CFAP44: variants seen among roughly 807,000 people sequenced by gnomAD.
CFAP44 encodes the protein cilia and flagella associated protein 44.
Under a neutral mutation model 216.2 loss-of-function variants are expected in CFAP44, and 134 were observed. The observed-to-expected ratio is 0.62, with a 90% CI of 0.54 to 0.72. The LOEUF (loss-of-function observed/expected upper bound fraction) is 0.72. Ranked by LOEUF, CFAP44 falls within the 30% of genes least tolerant of loss-of-function variation. The pLI is 0.00. For synonymous variants in CFAP44, 700 were observed against 727.6 expected (o/e 0.96, Z 0.61); for missense variants, 2,035 against 2,182.1 (o/e 0.93, Z 1.34).
intron 28 of CFAP44, among the ~76,000 whole-genome samples, chr3:113,317,220 G>A (rs1303490462): frequency 3.3e-5 from 5 of 152,210 alleles, no homozygotes; most frequent in African/African-American, 1.2e-4. Context: ...ACCTGGCAGG[G>A]GGATCTCCCC....
At chr3:113,440,425 T>G (rs1935335092) in intron 1 of CFAP44, among the ~76,000 whole-genome samples, 1 of 152,234 alleles carries the variant, frequency 6.6e-6, no homozygotes, top group African/African-American at 2.4e-5. Context: ...ATTTTACAGA[T>G]GAGAAAGCAG....
At position 113,363,536 on chromosome 3, in the gene CFAP44, T is replaced by C; in HGVS notation, c.2716-4A>G. On this transcript the variant is annotated splice_polypyrimidine_tract_variant and splice_region_variant and intron_variant, in intron 19 of 34. Coordinates refer to ENST00000393845, the MANE Select transcript of CFAP44 (RefSeq NM_001164496.2). Reference sequence around the variant, plus strand: ...TTGGCTCTGTTTCAATTCCAAACTATAGGAAGGGAAGTAAAAGGTTAGCCC... The same window carrying C: ...TTGGCTCTGTTTCAATTCCAAACTACAGGAAGGGAAGTAAAAGGTTAGCCC... The C allele has an allele frequency of 1.2e-6, 2 of 1,606,594 alleles. No homozygotes were observed. The highest frequency in any genetic ancestry group is 1.3e-5 in the African/African-American group (1 of 74,926).
At chr3:113,304,989 G>T in intron 31 of CFAP44, 47 bp downstream of exon 31, 1 of 1,496,832 alleles carries the variant, frequency 6.7e-7, no homozygotes. Flanking sequence ...GCTTGGGTGT[G>T]ATGACTCTTC....
chr3:113,328,695 TTAAAAAAAAAAAAAAA>T (rs763595476), intron 26 of CFAP44, among the ~76,000 whole-genome samples: 2 of 72,346 alleles, frequency 2.8e-5, no homozygotes, highest in African/African-American at 4.7e-5. Context: ...TTTAGAGAGC[TTAAAAAAAAAAAAAAA>T]AAAAAAAAAA....
chr3:113,321,263 G>C (rs1950143831), intron 28 of CFAP44, among the ~76,000 whole-genome samples: 1 of 152,084 alleles, frequency 6.6e-6, no homozygotes, highest in African/African-American at 2.4e-5. Context: ...AGAATTAAAA[G>C]CAAAAACCAT....
Position 113,358,617 on chromosome 3 carries a change from T to C in CFAP44, c.3065+128A>G, listed in dbSNP as rs141899714. On this transcript the variant is annotated intron_variant, in intron 22 of 34. Coordinates refer to ENST00000393845, the MANE Select transcript of CFAP44 (RefSeq NM_001164496.2). ...TCAGTAGCAGTGACAAGAGGATTCC[T>C]TGAGATTTCAAGTCAGTGGGTACTT... 1.9e-3 allele frequency: 2,298 copies of C among 1,219,034 alleles called. 10 individuals are homozygous for C. The highest frequency in any genetic ancestry group is 0.016 in the Middle Eastern group (60 of 3,644). 75.5% of individuals were successfully genotyped at this position (1,219,034 alleles called of 1,614,324 possible).
intron 18 of CFAP44, among the ~76,000 whole-genome samples, chr3:113,372,704 T>C (rs1933210213): frequency 1.3e-5 from 2 of 152,152 alleles, no homozygotes; most frequent in Non-Finnish European, 2.9e-5. Flanking sequence ...GTTGTGCACA[T>C]GTACCCTAGA....
rs1325108253 is a variant in CFAP44 at position 113,335,396 on chromosome 3, T to C, written c.3438-1813A>G. Among the ~76,000 whole-genome samples, 5 of 152,134 alleles carry C rather than the reference T, an allele frequency of 3.3e-5. No homozygotes were observed. In the South Asian group the frequency reaches 8.3e-4, roughly 25 times the overall value. ...AGATCAGAGTACAGGGAGGCCAAAT[T>C]TGGTGCTAAGAATTTGTGGAAAAGA... On this transcript the variant is annotated intron_variant, in intron 24 of 34. Coordinates refer to ENST00000393845, the MANE Select transcript of CFAP44 (RefSeq NM_001164496.2).
chr3:113,367,338 C>T (rs963238718), intron 18 of CFAP44, among the ~76,000 whole-genome samples: 1 of 152,176 alleles, frequency 6.6e-6, no homozygotes, highest in Non-Finnish European at 1.5e-5. Flanking sequence ...AGGCGGGTGC[C>T]CTTCTGGGAT....
intron 28 of CFAP44, among the ~76,000 whole-genome samples, chr3:113,318,692 A>G (rs186525257): frequency 3.3e-5 from 5 of 152,304 alleles, no homozygotes; most frequent in Admixed American, 3.3e-4. Flanking sequence ...GTCAAGTCAC[A>G]TACAGAGAGA....
chr3:113,404,475 A>G (rs1411424438), intron 8 of CFAP44, among the ~76,000 whole-genome samples: 1 of 152,174 alleles, frequency 6.6e-6, no homozygotes, highest in Non-Finnish European at 1.5e-5. Context: ...ACTTTTCTCA[A>G]ATTAGCCTGT....
intron 1 of CFAP44, among the ~76,000 whole-genome samples, chr3:113,436,672 T>C (rs1935247577): frequency 6.6e-6 from 1 of 152,158 alleles, no homozygotes; most frequent in African/African-American, 2.4e-5. Flanking sequence ...ACTCCCTAAG[T>C]TTCCAAGACG....
intron 22 of CFAP44, among the ~76,000 whole-genome samples, chr3:113,348,794 G>A (rs1559919269): frequency 6.6e-6 from 1 of 152,168 alleles, no homozygotes; most frequent in East Asian, 1.9e-4. Flanking sequence ...AGGCAGACCT[G>A]GGGAAGTTTT....
chr3:113,315,900 T>C (rs928791405), intron 28 of CFAP44, among the ~76,000 whole-genome samples: 2 of 152,210 alleles, frequency 1.3e-5, no homozygotes. Context: ...GTTTGGTAGG[T>C]TAGGTGTATT....
intron 24 of CFAP44, among the ~76,000 whole-genome samples, chr3:113,339,280 G>T (rs1950309259): frequency 1.3e-5 from 2 of 152,166 alleles, no homozygotes; most frequent in Non-Finnish European, 2.9e-5. Context: ...TCCAGCTGGG[G>T]GTGGTGAAGA....
intron 22 of CFAP44, among the ~76,000 whole-genome samples, chr3:113,350,206 G>T (rs894942941): frequency 2.0e-5 from 3 of 151,756 alleles, no homozygotes; most frequent in Non-Finnish European, 4.4e-5. Context: ...GAGACAGAGA[G>T]ACAAAGACAG....
chr3:113,437,503 T>C (rs1935264416), intron 1 of CFAP44, among the ~76,000 whole-genome samples: 1 of 152,150 alleles, frequency 6.6e-6, no homozygotes, highest in African/African-American at 2.4e-5. Context: ...AACAATATAT[T>C]CCCCAAATGG....
At chr3:113,358,037 A>T (rs534335096) in intron 22 of CFAP44, among the ~76,000 whole-genome samples, 7 of 152,302 alleles carry the variant, frequency 4.6e-5, no homozygotes, top group Non-Finnish European at 1.0e-4. Flanking sequence ...ACATGTAACA[A>T]CACTGATAAT....
intron 22 of CFAP44, among the ~76,000 whole-genome samples, chr3:113,347,232 C>T (rs1950394052): frequency 6.6e-6 from 1 of 152,278 alleles, no homozygotes; most frequent in South Asian, 2.1e-4. Flanking sequence ...GAGTTGGGAG[C>T]GTTGGTTTGC....
Sources: allele counts gnomAD v4.1 joint callset (sites outside exome capture counted in the v4.1 genomes callset), GRCh38; gene constraint gnomAD v4.1.1; transcripts MANE v1.5; gene names NCBI Gene and HGNC (gene_info 2026-07-23, HGNC 2026-07-21).